ARHGEF3: variants seen among roughly 807,000 people sequenced by gnomAD.
ARHGEF3 encodes the protein 59.8 kDA protein.
A neutral mutation model predicts 63.2 loss-of-function variants in ARHGEF3; 28 were observed. The observed-to-expected ratio is 0.44, with a 90% CI of 0.33 to 0.61. The LOEUF is 0.61. ARHGEF3 is among the 20% of genes least tolerant of loss of function. The pLI is 0.03. For synonymous variants in ARHGEF3, 266 were observed against 254.2 expected (o/e 1.05, Z -0.44); for missense variants, 533 against 659.3 (o/e 0.81, Z 2.10).
intron 3 of ARHGEF3, among the ~76,000 whole-genome samples, chr3:56,901,133 A>G (rs575839626): frequency 2.6e-5 from 4 of 152,342 alleles, no homozygotes; most frequent in African/African-American, 7.2e-5. Flanking sequence ...TGCATAAGCA[A>G]TGTTTTTGAA....
At chr3:56,759,918 CTATT>C (rs1441060061) in intron 2 of ARHGEF3, among the ~76,000 whole-genome samples, 2 of 152,194 alleles carry the variant, frequency 1.3e-5, no homozygotes, top group East Asian at 3.8e-4. Context: ...ACTACCATCT[CTATT>C]TAGTTCCAAA....
chr3:56,884,677 C>T (rs562645752), intron 3 of ARHGEF3, among the ~76,000 whole-genome samples: 1 of 152,312 alleles, frequency 6.6e-6, no homozygotes, highest in South Asian at 2.1e-4. Flanking sequence ...AGGGAAGCCT[C>T]GAGAAGATGC....
chr3:56,735,438 G>A (rs1198068484), intron 8 of ARHGEF3, among the ~76,000 whole-genome samples: 1 of 149,772 alleles, frequency 6.7e-6, no homozygotes, highest in East Asian at 1.9e-4. Flanking sequence ...TCTACCGGGT[G>A]AAAAAAAAAC....
In ARHGEF3 at chr3:57,003,396, C is replaced by A. The variant is rs529881079; in HGVS notation, c.62+31692G>T. 1.2e-4 allele frequency among the ~76,000 whole-genome samples: 8 copies of A among 66,950 alleles called. No individual in the cohort carries two copies. The East Asian group carries it at 5.0e-3, about 42-fold the overall frequency. The allele number at this position is 66,950 out of a possible 152,430, so 43.9% of individuals were successfully genotyped here. A position where few individuals can be genotyped will look rare whatever the true frequency, so the allele number is the denominator to read the frequency against. On this transcript the variant is annotated intron_variant, in intron 2 of 12. Transcript: ENST00000338458. ...CCAGCCTGGCAACGAAGCGAGACGC[C>A]GTCTCAAAAAAAAAAAAAAAAAAAA...
chr3:56,843,693 A>T (rs1439926955), intron 4 of ARHGEF3, among the ~76,000 whole-genome samples: 5 of 152,044 alleles, frequency 3.3e-5, no homozygotes, highest in African/African-American at 1.2e-4. Context: ...CATAGTGTAG[A>T]TGTTTTTTAT....
intron 7 of ARHGEF3, among the ~76,000 whole-genome samples, chr3:56,742,954 A>G (rs1578389406): frequency 1.3e-5 from 2 of 152,336 alleles, no homozygotes; most frequent in East Asian, 1.9e-4. Context: ...TTCATGCTCC[A>G]TATTAAAAAG....
At chr3:56,983,937 G>GAA (rs11401240) in intron 2 of ARHGEF3, among the ~76,000 whole-genome samples, 51,834 of 112,170 alleles carry the variant, frequency 0.46, 12,867 homozygotes, top group Middle Eastern at 0.61. Context: ...TCCGTCTCGA[G>GAA]AAAAAAAAAA....
At chr3:57,058,719 A>G (rs559468720) in intron 1 of ARHGEF3, among the ~76,000 whole-genome samples, 3,781 of 152,172 alleles carry the variant, frequency 0.025, 153 homozygotes, top group African/African-American at 0.086. Flanking sequence ...CACTATTCAC[A>G]ATAGCAAAGA....
At chr3:56,793,000 T>A (rs1225790532) in intron 1 of ARHGEF3, among the ~76,000 whole-genome samples, 2 of 151,794 alleles carry the variant, frequency 1.3e-5, no homozygotes, top group Non-Finnish European at 2.9e-5. Flanking sequence ...GGGTTTTTTT[T>A]TTTTTTTATT....
intron 2 of ARHGEF3, among the ~76,000 whole-genome samples, chr3:57,015,650 C>T (rs971180197): frequency 4.7e-5 from 7 of 150,356 alleles, no homozygotes; most frequent in African/African-American, 1.7e-4. Flanking sequence ...TTATGTTGCC[C>T]AGGCTGGTCT....
At chr3:56,986,210 G>A (rs1701529878) in intron 2 of ARHGEF3, among the ~76,000 whole-genome samples, 1 of 152,134 alleles carries the variant, frequency 6.6e-6, no homozygotes, top group Non-Finnish European at 1.5e-5. Flanking sequence ...GGAAGTGCAG[G>A]GTCTTTAGGG....
At chr3:57,017,062 ACACG>A (rs1703050236) in intron 2 of ARHGEF3, among the ~76,000 whole-genome samples, 1 of 150,674 alleles carries the variant, frequency 6.6e-6, no homozygotes, top group Non-Finnish European at 1.5e-5. Flanking sequence ...ACACACACAC[ACACG>A]AGTCACCAAA....
chr3:56,951,076 C>A (rs1699783813), intron 3 of ARHGEF3, among the ~76,000 whole-genome samples: 3 of 150,704 alleles, frequency 2.0e-5, no homozygotes, highest in Admixed American at 1.3e-4. Context: ...GGGAATTGAA[C>A]AATGAGAACA....
rs150398231 is a variant in ARHGEF3 at position 56,765,792 on chromosome 3, T to C, written c.204+7917A>G. Among the ~76,000 whole-genome samples the C allele has an allele frequency of 5.2e-3, 793 of 152,252 alleles. 7 individuals are homozygous for C. The highest frequency in any genetic ancestry group is 4.9e-3 in the Non-Finnish European group (330 of 68,022). On this transcript the variant is annotated intron_variant, in intron 2 of 9. Transcript: ENST00000296315. ...GTATATTTTATCATAGAAGATTTTC[T>C]AATCTTATTCATTTTTATTTGGTTG... is the stretch of plus-strand genomic sequence containing the variant.
At chr3:56,745,947 A>G (rs1372837183) in intron 6 of ARHGEF3, among the ~76,000 whole-genome samples, 3 of 152,240 alleles carry the variant, frequency 2.0e-5, no homozygotes, top group Non-Finnish European at 4.4e-5. Flanking sequence ...CTGAGATTAC[A>G]GGCGTGAGCC....
chr3:56,799,881 A>G (rs887541348), intron 1 of ARHGEF3, among the ~76,000 whole-genome samples: 4 of 152,224 alleles, frequency 2.6e-5, no homozygotes, highest in African/African-American at 9.7e-5. Flanking sequence ...CAAAAACCCC[A>G]ATAGTGATAT....
At chr3:56,861,925 C>G (rs1477880687) in intron 4 of ARHGEF3, among the ~76,000 whole-genome samples, 1 of 150,104 alleles carries the variant, frequency 6.7e-6, no homozygotes, top group Non-Finnish European at 1.5e-5. Context: ...TAAGCAGCAG[C>G]TCTGCTTCCA....
At chr3:57,063,792 T>G (rs765638401) in intron 1 of ARHGEF3, among the ~76,000 whole-genome samples, 6 of 152,008 alleles carry the variant, frequency 3.9e-5, no homozygotes, top group Non-Finnish European at 7.4e-5. Flanking sequence ...TGGTAAGAGA[T>G]ATCTGGGGAG....
intron 3 of ARHGEF3, among the ~76,000 whole-genome samples, chr3:56,912,298 A>T (rs1187557836): frequency 6.6e-6 from 1 of 152,228 alleles, no homozygotes; most frequent in African/African-American, 2.4e-5. Context: ...CCTCTTACTT[A>T]GGCACTAACT....
Sources: gnomAD v4.1 joint callset for allele counts (sites outside exome capture counted in the v4.1 genomes callset) on GRCh38, gnomAD v4.1.1 for gene constraint, MANE v1.5 for transcripts, NCBI Gene and HGNC (gene_info 2026-07-23, HGNC 2026-07-21) for gene names.